Variants in PIEZO2 observed in about 807,000 individuals in gnomAD.
The protein encoded by PIEZO2 is piezo-type mechanosensitive ion channel component 2.
Under a neutral mutation model 337.3 loss-of-function variants are expected in PIEZO2, and 172 were observed. The observed-to-expected ratio is 0.51, with a 90% CI of 0.45 to 0.58. The LOEUF (loss-of-function observed/expected upper bound fraction) is 0.58, where lower values mean the gene tolerates loss of function less well. PIEZO2 is among the 20% of genes least tolerant of loss of function. PIEZO2 has a pLI of 0.00. For synonymous variants in PIEZO2, 1,251 were observed against 1,228.5 expected (o/e 1.02, Z -0.38); for missense variants, 3,028 against 3,391.3 (o/e 0.89, Z 2.66).
At chr18:11,000,351 T>C (rs1275095218) in intron 2 of PIEZO2, among the ~76,000 whole-genome samples, 1 of 152,166 alleles carries the variant, frequency 6.6e-6, no homozygotes, top group African/African-American at 2.4e-5. Context: ...TTTTTCCTTT[T>C]CCCTCCCATT....
chr18:11,118,107 T>A (rs552298720), intron 1 of PIEZO2, among the ~76,000 whole-genome samples: 1 of 152,378 alleles, frequency 6.6e-6, no homozygotes, highest in South Asian at 2.1e-4. Context: ...TACTTCCACC[T>A]CTGTTAAGTT....
At chr18:10,913,832 A>G (rs1422400784) in intron 3 of PIEZO2, among the ~76,000 whole-genome samples, 1 of 152,032 alleles carries the variant, frequency 6.6e-6, no homozygotes, top group African/African-American at 2.4e-5. Flanking sequence ...AAATCAACTT[A>G]ATAATTTCAG....
At chr18:11,137,169 A>C (rs1469814442) in intron 1 of PIEZO2, among the ~76,000 whole-genome samples, 1 of 152,174 alleles carries the variant, frequency 6.6e-6, no homozygotes, top group Non-Finnish European at 1.5e-5. Context: ...CTCAAAGCCT[A>C]AACTAGAATG....
intron 2 of PIEZO2, among the ~76,000 whole-genome samples, chr18:11,026,668 C>G (rs1017200972): frequency 3.3e-5 from 5 of 152,238 alleles, no homozygotes; most frequent in African/African-American, 1.2e-4. Context: ...ATGCTCCCTC[C>G]ACTGCCCTCT....
At chr18:10,738,583 T>C (rs1170270954) in intron 33 of PIEZO2, 1 of 152,172 alleles carries the variant, frequency 6.6e-6, no homozygotes, top group Admixed American at 6.5e-5. Flanking sequence ...GTTAAATTAG[T>C]GAGTAGAAAA....
At position 10,670,310 on chromosome 18, in the gene PIEZO2, T is replaced by C. The variant is rs1356386653; in HGVS notation, c.*1217A>G. On this transcript the variant is annotated 3_prime_UTR_variant, in exon 56 of 56. Transcript: ENST00000674853. ...AACCCAAACTACACAGGATCAATTT[T>C]TGACATATTCTAGTCCATTCAATGA... 2 of 152,194 alleles carry C rather than the reference T, an allele frequency of 1.3e-5. No homozygotes were observed. Among genetic ancestry groups the C allele is most frequent in the Non-Finnish European group, 2.9e-5 (2 of 68,032 alleles). 9.4% of individuals were successfully genotyped at this position (152,194 alleles called of 1,614,324 possible).
intron 4 of PIEZO2, among the ~76,000 whole-genome samples, chr18:10,909,726 A>G (rs187174214): frequency 6.6e-6 from 1 of 152,188 alleles, no homozygotes; most frequent in African/African-American, 2.4e-5. Flanking sequence ...TATGTTTTAG[A>G]TGTTTCATAT....
chr18:10,689,215 C>G (rs1294550518), intron 49 of PIEZO2, among the ~76,000 whole-genome samples: 2 of 152,106 alleles, frequency 1.3e-5, no homozygotes, highest in African/African-American at 4.8e-5. Flanking sequence ...TTCAGCCTGG[C>G]AGAATAAGCA....
At chr18:10,805,516 CA>C (rs930632515) in intron 8 of PIEZO2, among the ~76,000 whole-genome samples, 3 of 151,906 alleles carry the variant, frequency 2.0e-5, no homozygotes, top group Non-Finnish European at 2.9e-5. Flanking sequence ...AACTCCATCT[CA>C]AAAAAATATA....
intron 4 of PIEZO2, among the ~76,000 whole-genome samples, chr18:10,896,435 A>T (rs2042903633): frequency 6.6e-6 from 1 of 152,222 alleles, no homozygotes; most frequent in African/African-American, 2.4e-5. Context: ...CTGAAATTAC[A>T]CTCAGTCCAA....
Position 10,759,675 on chromosome 18 carries a change from G to A in PIEZO2, c.3655+30C>T. 1.3e-6 allele frequency: 2 copies of A among 1,536,896 alleles called. No homozygotes were observed. Among genetic ancestry groups the A allele is most frequent in the South Asian group, 1.2e-5 (1 of 84,046 alleles). On this transcript the variant is annotated intron_variant, in intron 25 of 55. Transcript: ENST00000674853. The surrounding 1 kb of genome is among the most constrained non-coding windows in gnomAD (Gnocchi z 5.5). Reference sequence around the variant, plus strand: ...CGCTCAGTAATGGCTTCTTCTAAAAGTAGACGGCTCAAGGGAAGGGCAGGC... The same window carrying A: ...CGCTCAGTAATGGCTTCTTCTAAAAATAGACGGCTCAAGGGAAGGGCAGGC...
chr18:10,684,729 G>C (rs1458398963), intron 49 of PIEZO2, among the ~76,000 whole-genome samples: 2 of 152,208 alleles, frequency 1.3e-5, no homozygotes, highest in Non-Finnish European at 2.9e-5. Context: ...GCCTCCCAAA[G>C]TGCTGGGATT....
Position 10,704,375 on chromosome 18 carries a change from G to A in PIEZO2, c.6258+19C>T. 1 of 1,536,104 alleles carries A rather than the reference G, an allele frequency of 6.5e-7. No individual in the cohort carries two copies. The highest frequency in any genetic ancestry group is 1.2e-5 in the South Asian group (1 of 83,980). On this transcript the variant is annotated intron_variant, in intron 42 of 55. Transcript: ENST00000674853. ...ATAGCCGCCTGAAGCCATCCACAGGGGTCTGCGTCCAGGCCTACCTCAGTA... is the reference window on the plus strand; with the variant it reads ...ATAGCCGCCTGAAGCCATCCACAGGAGTCTGCGTCCAGGCCTACCTCAGTA...
chr18:11,072,205 T>C (rs1421093487), intron 1 of PIEZO2, among the ~76,000 whole-genome samples: 1 of 152,130 alleles, frequency 6.6e-6, no homozygotes, highest in Non-Finnish European at 1.5e-5. Flanking sequence ...TCCATACCCA[T>C]TACTGTATCT....
chr18:10,786,646 T>C (rs1015753238), intron 16 of PIEZO2, among the ~76,000 whole-genome samples: 1 of 152,208 alleles, frequency 6.6e-6, no homozygotes, highest in African/African-American at 2.4e-5. Context: ...TGGCGCTAAA[T>C]ACTCCTTAGA....
At chr18:10,904,343 G>C (rs987683664) in intron 4 of PIEZO2, among the ~76,000 whole-genome samples, 4 of 152,216 alleles carry the variant, frequency 2.6e-5, no homozygotes, top group Non-Finnish European at 5.9e-5. Flanking sequence ...GCCTCTACTA[G>C]CTGTGCAATC....
intron 12 of PIEZO2, among the ~76,000 whole-genome samples, chr18:10,796,563 A>G (rs1009631906): frequency 1.3e-5 from 2 of 152,252 alleles, no homozygotes; most frequent in South Asian, 4.1e-4. Context: ...CTGACTTGAC[A>G]AGCTAATTTG....
chr18:10,804,685 C>A (rs919121592), intron 8 of PIEZO2, among the ~76,000 whole-genome samples: 9 of 152,172 alleles, frequency 5.9e-5, no homozygotes, highest in Non-Finnish European at 1.0e-4. Context: ...GTTACATTTG[C>A]CAGGTGGGGG....
intron 4 of PIEZO2, among the ~76,000 whole-genome samples, chr18:10,908,141 A>G (rs1479987937): frequency 1.3e-5 from 2 of 152,248 alleles, no homozygotes; most frequent in Admixed American, 1.3e-4. Flanking sequence ...GCTTCCAGAG[A>G]GACAACTGAA....
Sources: gnomAD v4.1 joint callset for allele counts (sites outside exome capture counted in the v4.1 genomes callset) on GRCh38, gnomAD v4.1.1 for gene constraint, Gnocchi (gnomAD v3.1) non-coding constraint, MANE v1.5 for transcripts, NCBI Gene and HGNC (gene_info 2026-07-23, HGNC 2026-07-21) for gene names.